Variants in CD58 observed in about 807,000 individuals in gnomAD.
The protein encoded by CD58 is lymphocyte function-associated antigen 3.
Under a neutral mutation model 27.6 loss-of-function variants are expected in CD58, and 14 were observed. That is an observed-to-expected ratio of 0.51 (90% confidence interval 0.34 to 0.79). CD58 has a LOEUF of 0.79. Among genes scored for constraint, CD58 ranks in the 30% least tolerant of loss-of-function variants. CD58 has a pLI of 0.02. For missense variants in CD58, 268 were observed against 301.7 expected (o/e 0.89, Z 0.83); for synonymous variants, 117 against 103.8 (o/e 1.13, Z -0.77).
At chr1:116,539,598 A>T (rs896971489) in intron 2 of CD58, among the ~76,000 whole-genome samples, 1 of 152,250 alleles carries the variant, frequency 6.6e-6, no homozygotes, top group Admixed American at 6.5e-5. Context: ...TTATCTTCTA[A>T]GTTGCTAGAA....
At chr1:116,567,669 G>C (rs1658985688) in intron 1 of CD58, among the ~76,000 whole-genome samples, 1 of 152,038 alleles carries the variant, frequency 6.6e-6, no homozygotes, top group African/African-American at 2.4e-5. Context: ...TAGTGATAAT[G>C]GATTCTGGGA....
chr1:116,564,775 T>G (rs1658878514), intron 1 of CD58, among the ~76,000 whole-genome samples: 1 of 152,192 alleles, frequency 6.6e-6, no homozygotes, highest in African/African-American at 2.4e-5. Flanking sequence ...AACGTAAGAT[T>G]TGGGTGGGAA....
chr1:116,525,794 G>A (rs1001843536), intron 3 of CD58, among the ~76,000 whole-genome samples: 2 of 152,190 alleles, frequency 1.3e-5, no homozygotes, highest in African/African-American at 4.8e-5. Flanking sequence ...CATAGGACAT[G>A]CCTAGCTAAT....
At position 116,563,142 on chromosome 1, in the gene CD58, G is replaced by C. The variant is rs548140691; in HGVS notation, c.70+7761C>G. On this transcript the variant is annotated intron_variant, in intron 1 of 5. Coordinates refer to ENST00000369489, the MANE Select transcript of CD58 (RefSeq NM_001779.3). The surrounding 1 kb of genome is among the most constrained non-coding windows in gnomAD (Gnocchi z 4.1). The stretch of plus-strand genomic sequence containing the variant: ...AAAACAAAAGGGCTACAGGCCCCAT[G>C]CAAGTCCTAAATCCAATAGGGCAGT... 4.6e-5 allele frequency among the ~76,000 whole-genome samples: 7 copies of C among 152,310 alleles called. No individual in the cohort carries two copies. Among genetic ancestry groups the C allele is most frequent in the African/African-American group, 1.7e-4 (7 of 41,574 alleles).
chr1:116,562,910 C>A (rs1658804701), intron 1 of CD58, among the ~76,000 whole-genome samples: 1 of 152,140 alleles, frequency 6.6e-6, no homozygotes, highest in African/African-American at 2.4e-5. Context: ...CATTTCAAAA[C>A]ACAATAATGC....
intron 2 of CD58, among the ~76,000 whole-genome samples, chr1:116,540,424 T>C (rs1369828312): frequency 6.6e-6 from 1 of 152,202 alleles, no homozygotes; most frequent in Non-Finnish European, 1.5e-5. Flanking sequence ...TTATGTCTTT[T>C]TACAACCAAA....
chr1:116,543,566 A>T (rs1020452356), intron 2 of CD58, among the ~76,000 whole-genome samples: 3 of 152,020 alleles, frequency 2.0e-5, no homozygotes, highest in Non-Finnish European at 2.9e-5. Context: ...GGCTTTAGAG[A>T]CCAGGGAGGA....
rs547376344 is a variant in CD58 at position 116,538,383 on chromosome 1, A to G, written c.365-2155T>C. ...GCAGCCCTCAGGGGACTTCCAAGGA[A>G]CATGCATCCCCAGAATAGTTCAAAA... On this transcript the variant is annotated intron_variant, in intron 2 of 5. Coordinates refer to ENST00000369489, the MANE Select transcript of CD58 (RefSeq NM_001779.3). The surrounding 1 kb of genome is among the most constrained non-coding windows in gnomAD (Gnocchi z 4.7). Among the ~76,000 whole-genome samples, 9 of 152,212 alleles carry G rather than the reference A, an allele frequency of 5.9e-5. No homozygotes were observed. The highest frequency in any genetic ancestry group is 3.4e-3 in the Middle Eastern group (1 of 294).
At position 116,536,159 on chromosome 1, in the gene CD58, G is replaced by C. The variant is rs1657799671; in HGVS notation, c.434C>G (p.Pro145Arg). 1 of 1,611,996 alleles carries C rather than the reference G, an allele frequency of 6.2e-7. No homozygotes were observed. The highest frequency in any genetic ancestry group is 8.5e-7 in the Non-Finnish European group (1 of 1,178,266). The change falls in exon 3 of 6, where the codon CCA (proline) becomes CGA (arginine). Residue 145 changes from proline (P) to arginine (R), a missense_variant. Pro to Arg is a moderately radical substitution (Grantham distance 103). Coordinates refer to ENST00000369489, the MANE Select transcript of CD58 (RefSeq NM_001779.3). The surrounding 1 kb of genome is among the most constrained non-coding windows in gnomAD (Gnocchi z 5.4). ...TCCTCGATGGCTGTTGTAATGCTCTGGTATCATGCATTGGACTTCAATGCT... is the reference window on the plus strand; with the variant it reads ...TCCTCGATGGCTGTTGTAATGCTCTCGTATCATGCATTGGACTTCAATGCT... ...NGSIEVQCMI[P>R]EHYNSHRGLI...
At chr1:116,537,131 C>A (rs1209895254) in intron 2 of CD58, among the ~76,000 whole-genome samples, 1 of 152,144 alleles carries the variant, frequency 6.6e-6, no homozygotes, top group Non-Finnish European at 1.5e-5. Context: ...TGGCTCCTGC[C>A]TGTAGTCTCA....
rs1657081191 is a variant in CD58 at position 116,516,209 on chromosome 1, A to C, written c.744-1387T>G. ...ATACCCAGCTTCATAACCCTTTAGT[A>C]ACTGAGCTTAGAGAATTCCCCCTGC... On this transcript the variant is annotated intron_variant, in intron 5 of 5. Coordinates refer to ENST00000369489, the MANE Select transcript of CD58 (RefSeq NM_001779.3). The surrounding 1 kb of genome is among the most constrained non-coding windows in gnomAD (Gnocchi z 6.1). Among the ~76,000 whole-genome samples the C allele has an allele frequency of 1.3e-5, 2 of 152,164 alleles. No homozygotes were observed. The highest frequency in any genetic ancestry group is 1.3e-4 in the Admixed American group (2 of 15,290).
At position 116,521,471 on chromosome 1, in the gene CD58, T is replaced by C. The variant is rs1464451830; in HGVS notation, c.706+435A>G. On this transcript the variant is annotated intron_variant, in intron 4 of 5. Coordinates refer to ENST00000369489, the MANE Select transcript of CD58 (RefSeq NM_001779.3). The surrounding 1 kb of genome is among the most constrained non-coding windows in gnomAD (Gnocchi z 5.6). ...GGCTCAGGAAGTAATACAAGCACAA[T>C]TACTTGTATTACGTAAGTCACTTAA... is the stretch of plus-strand genomic sequence containing the variant. Among the ~76,000 whole-genome samples the C allele has an allele frequency of 1.3e-5, 2 of 152,198 alleles. No homozygotes were observed. Among genetic ancestry groups the C allele is most frequent in the Non-Finnish European group, 2.9e-5 (2 of 68,032 alleles).
rs138933814 is a variant in CD58, at chr1:116,565,373, T to C, written c.70+5530A>G. Reference sequence around the variant, plus strand: ...AAGCCTATCTCAGGGTCCTGAGTAGTAGACCTGGAATATCACTCCCCCAGA... The same window carrying C: ...AAGCCTATCTCAGGGTCCTGAGTAGCAGACCTGGAATATCACTCCCCCAGA... On this transcript the variant is annotated intron_variant, in intron 1 of 5. Coordinates refer to ENST00000369489, the MANE Select transcript of CD58 (RefSeq NM_001779.3). 3.3e-3 allele frequency among the ~76,000 whole-genome samples: 509 copies of C among 152,316 alleles called. 1 individual carries two copies. The highest frequency in any genetic ancestry group is 0.012 in the African/African-American group (482 of 41,578).
rs778084173 is a variant in CD58 at position 116,570,977 on chromosome 1, C to T, written c.-5G>A. On this transcript the variant is annotated 5_prime_UTR_variant, in exon 1 of 6. Coordinates refer to ENST00000369489, the MANE Select transcript of CD58 (RefSeq NM_001779.3). This position sits in a 1 kb window ranked among gnomAD's most constrained non-coding sequence, Gnocchi z 6.4. ...CGCGTCGCTCCCAGCAACCATGGCT[C>T]GTCGGGCCGGCCTCTGCGCGAGTGC... is the stretch of plus-strand genomic sequence containing the variant. The T allele has an allele frequency of 9.1e-6, 14 of 1,546,070 alleles. No homozygotes were observed. Among genetic ancestry groups the T allele is most frequent in the Admixed American group, 5.8e-5 (3 of 51,354 alleles).
intron 3 of CD58, chr1:116,533,963 G>A: frequency 7.0e-7 from 1 of 1,426,176 alleles, no homozygotes; most frequent in Non-Finnish European, 9.9e-7. Flanking sequence ...TTGTCAAGTC[G>A]CTCCTGTAAA....
chr1:116,543,117 C>G (rs1444892879), intron 2 of CD58, among the ~76,000 whole-genome samples: 1 of 152,148 alleles, frequency 6.6e-6, no homozygotes, highest in Non-Finnish European at 1.5e-5. Flanking sequence ...AAGCAGCGGA[C>G]TTAATCTAGC....
chr1:116,543,511 C>A lies in CD58; in HGVS notation c.364+800G>T, dbSNP rs533588029. Among the ~76,000 whole-genome samples, 4 of 151,600 alleles carry A rather than the reference C, an allele frequency of 2.6e-5. No homozygotes were observed. In the South Asian group the frequency reaches 8.3e-4, roughly 32 times the overall value. The stretch of plus-strand genomic sequence containing the variant: ...CAGGCCTTAAAATGACCAAGAAACA[C>A]TGGCATGTGAGGCAGGGGCCTATAC... On this transcript the variant is annotated intron_variant, in intron 2 of 5. Transcript: ENST00000369489.
Position 116,534,163 on chromosome 1 carries a change from T to C in CD58, c.628+1802A>G. On this transcript the variant is annotated intron_variant, in intron 3 of 5. Transcript: ENST00000369489. This position sits in a 1 kb window ranked among gnomAD's most constrained non-coding sequence, Gnocchi z 5.3. ...AACTAGGCTAAGGCACTCAGGCCAG[T>C]CCTCGGGGAGCACACGCCGCCCATC... is the stretch of plus-strand genomic sequence containing the variant. 3.1e-6 allele frequency: 2 copies of C among 644,432 alleles called. No individual in the cohort carries two copies. The highest frequency in any genetic ancestry group is 5.7e-6 in the Non-Finnish European group (2 of 352,684). 39.9% of individuals were successfully genotyped at this position (644,432 alleles called of 1,614,324 possible). A position where few individuals can be genotyped will look rare whatever the true frequency, so the allele number is the denominator to read the frequency against.
chr1:116,544,256 G>A, intron 2 of CD58, 55 bp downstream of exon 2: 2 of 1,242,236 alleles, frequency 1.6e-6, no homozygotes, highest in Non-Finnish European at 2.3e-6. Flanking sequence ...TCTGAAAACA[G>A]ACTAAAAAAA....
Sources: gnomAD v4.1 joint callset for allele counts (sites outside exome capture counted in the v4.1 genomes callset) on GRCh38, gnomAD v4.1.1 for gene constraint, Gnocchi (gnomAD v3.1) non-coding constraint, MANE v1.5 for transcripts, NCBI Gene and HGNC (gene_info 2026-07-23, HGNC 2026-07-21) for gene names.